RPS6KA2: variants seen among roughly 807,000 people sequenced by gnomAD.
RPS6KA2 encodes ribosomal protein S6 kinase alpha-2.
RPS6KA2 carries 42 observed loss-of-function variants against 91.8 expected under a neutral mutation model. The observed-to-expected ratio is 0.46, with a 90% CI of 0.36 to 0.59. RPS6KA2 has a LOEUF of 0.59. RPS6KA2 is among the 20% of genes least tolerant of loss of function. RPS6KA2 has a pLI of 0.00. For missense variants in RPS6KA2, 798 were observed against 978.5 expected (o/e 0.82, Z 2.46); for synonymous variants, 414 against 393.6 (o/e 1.05, Z -0.61).
At chr6:166,464,990 A>AT (rs1414187319) in intron 11 of RPS6KA2, among the ~76,000 whole-genome samples, 10 of 112,282 alleles carry the variant, frequency 8.9e-5, no homozygotes, top group Non-Finnish European at 1.2e-4. Context: ...GTTTACTTAA[A>AT]AAAATAAATA....
chr6:166,566,455 C>G (rs1784508172), intron 1 of RPS6KA2, among the ~76,000 whole-genome samples: 1 of 152,236 alleles, frequency 6.6e-6, no homozygotes, highest in African/African-American at 2.4e-5. Context: ...TGCCACAGGT[C>G]TGCCCATCCA....
intron 3 of RPS6KA2, 101 bp from the exon 4 acceptor site, chr6:166,510,458 T>A: frequency 1.5e-6 from 1 of 673,218 alleles, no homozygotes; most frequent in Non-Finnish European, 2.4e-6. Flanking sequence ...AACTTTTCAT[T>A]AAAAAATTTC....
At chr6:166,860,756 T>G (rs1331953998) in intron 1 of RPS6KA2, among the ~76,000 whole-genome samples, 4 of 152,186 alleles carry the variant, frequency 2.6e-5, no homozygotes, top group Non-Finnish European at 5.9e-5. Context: ...AGAAAAGAAC[T>G]TCTAGCTGAT....
intron 12 of RPS6KA2, among the ~76,000 whole-genome samples, chr6:166,452,221 T>C (rs1020307222): frequency 6.6e-6 from 1 of 152,174 alleles, no homozygotes; most frequent in Non-Finnish European, 1.5e-5. Flanking sequence ...GAAAGTCAAC[T>C]GGCAACATTT....
chr6:166,453,480 C>T (rs558274926), intron 12 of RPS6KA2, among the ~76,000 whole-genome samples: 3 of 152,074 alleles, frequency 2.0e-5, no homozygotes, highest in African/African-American at 7.2e-5. Context: ...TGCTCAAGAT[C>T]GCTAATCATC....
intron 1 of RPS6KA2, chr6:166,585,996 A>G (rs1197878069): frequency 2.2e-5 from 11 of 507,448 alleles, no homozygotes; most frequent in Non-Finnish European, 3.3e-5. Flanking sequence ...TTAAAGTCTC[A>G]ACTTCCAAAA....
At chr6:166,607,207 T>A (rs1183113389) in intron 1 of RPS6KA2, among the ~76,000 whole-genome samples, 3 of 149,730 alleles carry the variant, frequency 2.0e-5, no homozygotes, top group Admixed American at 6.7e-5. Flanking sequence ...TGCAATCACT[T>A]TGGAAAATGG....
chr6:166,827,370 A>G (rs1362509672), intron 2 of RPS6KA2, among the ~76,000 whole-genome samples: 1 of 152,058 alleles, frequency 6.6e-6, no homozygotes, highest in South Asian at 2.1e-4. Context: ...TATATCTACA[A>G]TGGAACACCG....
intron 2 of RPS6KA2, among the ~76,000 whole-genome samples, chr6:166,709,220 T>C (rs73261040): frequency 0.074 from 11,258 of 152,280 alleles, 760 homozygotes; most frequent in African/African-American, 0.18. Flanking sequence ...TGTGGGGTGC[T>C]TGTCAAGCTG....
chr6:166,669,270 C>G (rs951301752), intron 2 of RPS6KA2, among the ~76,000 whole-genome samples: 6 of 152,088 alleles, frequency 3.9e-5, no homozygotes, highest in African/African-American at 1.4e-4. Flanking sequence ...CTCCTTCCCC[C>G]GGGCTGCCTG....
intron 2 of RPS6KA2, among the ~76,000 whole-genome samples, chr6:166,827,544 C>T (rs1245895947): frequency 1.3e-5 from 2 of 152,136 alleles, no homozygotes; most frequent in African/African-American, 4.8e-5. Context: ...CGCAAATAAA[C>T]ATTTTCTTTT....
intron 8 of RPS6KA2, among the ~76,000 whole-genome samples, chr6:166,491,629 T>C (rs1468445718): frequency 2.0e-5 from 3 of 152,228 alleles, no homozygotes; most frequent in Admixed American, 6.5e-5. Flanking sequence ...CATGGTCTTA[T>C]TGAATTCTCT....
chr6:166,420,129 C>G (rs9459665), intron 17 of RPS6KA2, among the ~76,000 whole-genome samples, 171 bp from the exon 18 acceptor site: 5,767 of 152,300 alleles, frequency 0.038, 168 homozygotes, highest in Middle Eastern at 0.061. Flanking sequence ...TAAGGTACTG[C>G]AGTGGGACTC....
intron 2 of RPS6KA2, among the ~76,000 whole-genome samples, chr6:166,725,501 G>A (rs574115606): frequency 3.7e-4 from 56 of 152,320 alleles, no homozygotes; most frequent in Middle Eastern, 6.8e-3. Flanking sequence ...TCCAGCCTCC[G>A]AGAGCCCACA....
At chr6:166,507,675 G>T (rs1055604176) in intron 5 of RPS6KA2, among the ~76,000 whole-genome samples, 2 of 133,602 alleles carry the variant, frequency 1.5e-5, no homozygotes, top group African/African-American at 5.8e-5. Context: ...CACACAGCAT[G>T]CCAAACACAC....
intron 2 of RPS6KA2, among the ~76,000 whole-genome samples, chr6:166,684,607 G>T (rs903731447): frequency 6.6e-6 from 1 of 152,082 alleles, no homozygotes; most frequent in Non-Finnish European, 1.5e-5. Context: ...CAAAGGTGGG[G>T]TCTCACCGGG....
chr6:166,520,160 G>A (rs1360028444), intron 3 of RPS6KA2, among the ~76,000 whole-genome samples: 2 of 152,122 alleles, frequency 1.3e-5, no homozygotes, highest in Non-Finnish European at 2.9e-5. Context: ...TTAAACCATT[G>A]CACTCCTCTC....
rs376167160 is a variant in RPS6KA2 at position 166,448,893 on chromosome 6, C to G, written c.1207-44G>C. The stretch of plus-strand genomic sequence containing the variant: ...AAGAAGAGTTGTCGGAACCCTCACA[C>G]GAGGGGACGGTGCAGCTACACGCAC... On this transcript the variant is annotated intron_variant, in intron 13 of 20. Coordinates refer to ENST00000265678, the MANE Select transcript of RPS6KA2 (RefSeq NM_021135.6). This position sits in a 1 kb window ranked among gnomAD's most constrained non-coding sequence, Gnocchi z 4.7. 2.5e-6 allele frequency: 4 copies of G among 1,608,306 alleles called. No individual in the cohort carries two copies. Among genetic ancestry groups the G allele is most frequent in the Non-Finnish European group, 3.4e-6 (4 of 1,176,130 alleles).
chr6:166,780,652 G>A (rs1422884829), intron 2 of RPS6KA2, among the ~76,000 whole-genome samples: 4 of 152,188 alleles, frequency 2.6e-5, no homozygotes, highest in Non-Finnish European at 5.9e-5. Flanking sequence ...TAACCAAGGG[G>A]AGGGGTCAGA....
Sources: allele counts gnomAD v4.1 joint callset (sites outside exome capture counted in the v4.1 genomes callset), GRCh38; gene constraint gnomAD v4.1.1; non-coding constraint Gnocchi (gnomAD v3.1); transcripts MANE v1.5; gene names NCBI Gene and HGNC (gene_info 2026-07-23, HGNC 2026-07-21).